Variants in CLVS2 observed in about 807,000 individuals in gnomAD.
The protein encoded by CLVS2 is clavesin-2.
Under a neutral mutation model 29.0 loss-of-function variants are expected in CLVS2, and 19 were observed. The observed-to-expected ratio is 0.66, with a 90% confidence interval of 0.46 to 0.96. The LOEUF is 0.96. Among genes scored for constraint, CLVS2 ranks in the 40% least tolerant of loss-of-function variants. The pLI is 0.00. For synonymous variants in CLVS2, 161 were observed against 151.3 expected, an observed-to-expected ratio of 1.06 and a Z score of -0.47; for missense variants, 294 against 404.1, an observed-to-expected ratio of 0.73 and a Z score of 2.34.
At chr6:123,049,074 T>A (rs527811526) in intron 4 of CLVS2, among the ~76,000 whole-genome samples, 2 of 152,308 alleles carry the variant, frequency 1.3e-5, no homozygotes, top group East Asian at 3.9e-4. Context: ...AAACAAAAGT[T>A]ATAATTTTAT....
chr6:123,011,015 C>T lies in CLVS2; in HGVS notation c.420C>T (p.Ile140=). 1 of 1,606,108 alleles carries T rather than the reference C, an allele frequency of 6.2e-7. No individual in the cohort carries two copies. The highest frequency in any genetic ancestry group is 1.3e-5 in the African/African-American group (1 of 74,564). Residue 140 remains isoleucine (I), a synonymous_variant, in exon 3 of 6, where the codon ATC becomes ATT. Coordinates refer to ENST00000275162, the MANE Select transcript of CLVS2 (RefSeq NM_001010852.4). ...CACTGGTGGATATTTTGCGTGCCAT[C>T]TTACTTTCTTTAGAAGCCATGATTG... The part of the protein sequence containing the change: ...RYTLVDILRA[I]LLSLEAMIED...
In CLVS2 at chr6:123,055,733, C is replaced by T. The variant is rs1772684515; in HGVS notation, c.676-73C>T. 12 of 1,057,950 alleles carry T rather than the reference C, an allele frequency of 1.1e-5. No homozygotes were observed. The South Asian group carries it at 1.6e-4, about 14-fold the overall frequency. The allele number at this position is 1,057,950 out of a possible 1,614,324, so 65.5% of individuals were successfully genotyped here. Reference sequence around the variant, plus strand: ...TATTTGCTATTGCTATCCTCACATCCCCCCTGTAGGATTTAGATGGTATTT... The same window carrying T: ...TATTTGCTATTGCTATCCTCACATCTCCCCTGTAGGATTTAGATGGTATTT... On this transcript the variant is annotated intron_variant, in intron 4 of 5. Transcript: ENST00000275162.
chr6:123,012,568 A>G (rs555114269), intron 3 of CLVS2, among the ~76,000 whole-genome samples: 52 of 151,994 alleles, frequency 3.4e-4, no homozygotes, highest in African/African-American at 1.2e-3. Context: ...TTTTAATAAT[A>G]CTGTGATAAG....
intron 3 of CLVS2, among the ~76,000 whole-genome samples, chr6:123,030,419 C>T (rs2114332750): frequency 6.6e-6 from 1 of 152,250 alleles, no homozygotes; most frequent in African/African-American, 2.4e-5. Flanking sequence ...AGGAATGAGT[C>T]ATTTTGAAGT....
rs1772957212 is a variant in CLVS2, at chr6:123,072,009, C to G, written c.*8248C>G. 6.6e-6 allele frequency: 1 copy of G among 151,924 alleles called. No individual in the cohort carries two copies. The highest frequency in any genetic ancestry group is 6.6e-5 in the Admixed American group (1 of 15,208). 9.4% of individuals were successfully genotyped at this position (151,924 alleles called of 1,614,324 possible). A position where few individuals can be genotyped will look rare whatever the true frequency, so the allele number is the denominator to read the frequency against. On this transcript the variant is annotated 3_prime_UTR_variant, in exon 6 of 6. Transcript: ENST00000275162. ...CTTAACTATCCCAAATTTTTATTTCCTATTTGGACTGACTTCTCCATAATT... is the reference window on the plus strand; with the variant it reads ...CTTAACTATCCCAAATTTTTATTTCGTATTTGGACTGACTTCTCCATAATT...
intron 3 of CLVS2, among the ~76,000 whole-genome samples, chr6:123,026,876 A>G (rs1392511149): frequency 6.6e-6 from 1 of 152,224 alleles, no homozygotes; most frequent in African/African-American, 2.4e-5. Flanking sequence ...ACATCATATG[A>G]AGACACTCAC....
At chr6:123,032,003 T>A (rs547414131) in intron 3 of CLVS2, among the ~76,000 whole-genome samples, 3 of 152,278 alleles carry the variant, frequency 2.0e-5, no homozygotes, top group South Asian at 4.1e-4. Flanking sequence ...TTTTGGGCAA[T>A]TATTTCTATT....
At chr6:123,009,148 G>C (rs1056516525) in intron 2 of CLVS2, among the ~76,000 whole-genome samples, 1 of 151,900 alleles carries the variant, frequency 6.6e-6, no homozygotes, top group African/African-American at 2.4e-5. Context: ...GTTTTCACCT[G>C]AGTCATCTCT....
intron 4 of CLVS2, among the ~76,000 whole-genome samples, chr6:123,053,514 T>C (rs1455314338): frequency 6.6e-6 from 1 of 152,192 alleles, no homozygotes; most frequent in African/African-American, 2.4e-5. Context: ...ATATAAGGAC[T>C]GGGAATTGGA....
chr6:123,052,179 A>G lies in CLVS2; in HGVS notation c.675+3447A>G, dbSNP rs115627878. Among the ~76,000 whole-genome samples the G allele has an allele frequency of 4.5e-3, 678 of 152,306 alleles. 2 individuals are homozygous for G. Among genetic ancestry groups the G allele is most frequent in the African/African-American group, 0.016 (651 of 41,566 alleles). On this transcript the variant is annotated intron_variant, in intron 4 of 5. Coordinates refer to ENST00000275162, the MANE Select transcript of CLVS2 (RefSeq NM_001010852.4). ...CTGTCAAGAAACATGATACATAGAA[A>G]GTGGATAGGCTTCCCAGGTTGGGCA...
chr6:123,043,759 G>T (rs953816181), intron 3 of CLVS2, among the ~76,000 whole-genome samples: 4 of 151,966 alleles, frequency 2.6e-5, no homozygotes, highest in African/African-American at 4.8e-5. Flanking sequence ...AAATTATACT[G>T]ATTTATTTTC....
chr6:123,031,234 G>T (rs1444753876), intron 3 of CLVS2, among the ~76,000 whole-genome samples: 1 of 152,180 alleles, frequency 6.6e-6, no homozygotes, highest in South Asian at 2.1e-4. Flanking sequence ...GCCTCCCAAA[G>T]TTCTAGGATT....
At chr6:123,046,218 T>C (rs758658612) in intron 3 of CLVS2, among the ~76,000 whole-genome samples, 5 of 152,186 alleles carry the variant, frequency 3.3e-5, no homozygotes, top group Non-Finnish European at 5.9e-5. Flanking sequence ...TCAACTGTGA[T>C]TGGGTATTGA....
intron 3 of CLVS2, among the ~76,000 whole-genome samples, chr6:123,033,921 A>G (rs1775115395): frequency 6.6e-6 from 1 of 152,164 alleles, no homozygotes; most frequent in Non-Finnish European, 1.5e-5. Flanking sequence ...CAGACATTTC[A>G]CCAAGGAAGA....
chr6:123,051,373 G>A (rs939947318), intron 4 of CLVS2, among the ~76,000 whole-genome samples: 1 of 152,116 alleles, frequency 6.6e-6, no homozygotes, highest in African/African-American at 2.4e-5. Flanking sequence ...CTTTCACGCA[G>A]AGCCAAACTT....
rs563232448 is a variant in CLVS2 at position 123,019,740 on chromosome 6, T to C, written c.564+8581T>C. ...AGAACAAATATATAAGGCGATTTAT[T>C]ATATAAGACGTTGGCTTATGCAGTT... On this transcript the variant is annotated intron_variant, in intron 3 of 5. Coordinates refer to ENST00000275162, the MANE Select transcript of CLVS2 (RefSeq NM_001010852.4). Among the ~76,000 whole-genome samples the C allele has an allele frequency of 3.9e-5, 6 of 152,150 alleles. No homozygotes were observed. In the East Asian group the frequency reaches 1.2e-3, roughly 30 times the overall value.
At chr6:123,034,367 C>G (rs1320146524) in intron 3 of CLVS2, among the ~76,000 whole-genome samples, 1 of 152,034 alleles carries the variant, frequency 6.6e-6, no homozygotes, top group Non-Finnish European at 1.5e-5. Context: ...TAAAATACTA[C>G]CTTGCAGTAG....
At chr6:123,033,182 G>A (rs529646763) in intron 3 of CLVS2, among the ~76,000 whole-genome samples, 1 of 151,874 alleles carries the variant, frequency 6.6e-6, no homozygotes, top group South Asian at 2.1e-4. Flanking sequence ...CAGCTTTGGG[G>A]GTAAGGAATT....
chr6:123,015,810 C>A (rs1774823820), intron 3 of CLVS2, among the ~76,000 whole-genome samples: 1 of 151,976 alleles, frequency 6.6e-6, no homozygotes, highest in South Asian at 2.1e-4. Context: ...TAGGATAAAG[C>A]ATGAAGGCCA....
Sources: gnomAD v4.1 joint callset for allele counts (sites outside exome capture counted in the v4.1 genomes callset) on GRCh38, gnomAD v4.1.1 for gene constraint, MANE v1.5 for transcripts, NCBI Gene and HGNC (gene_info 2026-07-23, HGNC 2026-07-21) for gene names.